The following NBDY variants were observed in gnomAD, a reference collection of about 807,000 sequenced individuals.
The protein encoded by NBDY is P-body dissociating protein.
Position 56,729,577 on chromosome X carries a change from C to A in NBDY, c.*17C>A. On this transcript the variant is annotated 3_prime_UTR_variant, in exon 1 of 3. Coordinates refer to ENST00000374922, the MANE Select transcript of NBDY (RefSeq NM_001348129.2). The stretch of plus-strand genomic sequence containing the variant: ...GAGAAGTAGAGAAATAAATTTCTCC[C>A]ACCCTAAACCAGGTCAGATTCTTTC... The A allele has an allele frequency of 3.4e-6, 1 of 297,690 alleles. No homozygotes were observed. The highest frequency in any genetic ancestry group is 2.0e-4 in the South Asian group (1 of 4,972). 24.5% of individuals were successfully genotyped at this position (297,690 alleles called of 1,213,427 possible).
chrX:56,742,603 A>G (rs990123792), intron 2 of NBDY, among the ~76,000 whole-genome samples: 5 of 111,087 alleles, frequency 4.5e-5, no homozygotes, highest in Non-Finnish European at 7.6e-5. Context: ...TTGTAAGTGG[A>G]ATTACTTTTA....
At chrX:56,794,974 A>G (rs1182225098) in intron 2 of NBDY, among the ~76,000 whole-genome samples, 1 of 111,977 alleles carries the variant, frequency 8.9e-6, no homozygotes, top group Non-Finnish European at 1.9e-5. Flanking sequence ...CCAGGCACTC[A>G]TTCGTGCCCA....
At chrX:56,761,799 CG>C (rs1395378545) in intron 2 of NBDY, among the ~76,000 whole-genome samples, 1 of 112,267 alleles carries the variant, frequency 8.9e-6, no homozygotes, top group Non-Finnish European at 1.9e-5. Context: ...CAGATGTAAT[CG>C]GGGTGCCCCT....
chrX:56,805,814 T>C (rs972962320), intron 2 of NBDY, among the ~76,000 whole-genome samples: 1 of 112,073 alleles, frequency 8.9e-6, no homozygotes, highest in African/African-American at 3.2e-5. Context: ...TTGGAGTTTT[T>C]CTCCCTTCAC....
In NBDY at chrX:56,810,377, A is replaced by T. The variant is rs1335290539; in HGVS notation, c.*167-6943A>T. On this transcript the variant is annotated intron_variant, in intron 2 of 2. Transcript: ENST00000374922. ...TGGTTCCATTCTCCCTGTCACTTTC[A>T]CGTACACCAATCAAATGTAGTTTTG... Among the ~76,000 whole-genome samples, 3 of 110,857 alleles carry T rather than the reference A, an allele frequency of 2.7e-5. No individual in the cohort carries two copies. The East Asian group carries it at 8.6e-4, about 32-fold the overall frequency.
intron 2 of NBDY, among the ~76,000 whole-genome samples, chrX:56,808,608 C>T (rs2069867392): frequency 9.0e-6 from 1 of 111,630 alleles, no homozygotes; most frequent in African/African-American, 3.3e-5. Context: ...GGTGATATCC[C>T]CTTTATCATT....
rs751942108 is a variant in NBDY, at chrX:56,799,980, G to A, written c.*167-17340G>A. 1.3e-3 allele frequency among the ~76,000 whole-genome samples: 140 copies of A among 109,844 alleles called. 1 individual carries two copies. Among genetic ancestry groups the A allele is most frequent in the African/African-American group, 4.5e-3 (135 of 30,121 alleles). ...TTTGCTGTGGATTTGTAGCACCGGG[G>A]GCAGTGTGAGGGGGTAAAGGGGGAG... On this transcript the variant is annotated intron_variant, in intron 2 of 2. Coordinates refer to ENST00000374922, the MANE Select transcript of NBDY (RefSeq NM_001348129.2).
At chrX:56,781,292 A>C (rs910797367) in intron 2 of NBDY, among the ~76,000 whole-genome samples, 8 of 111,680 alleles carry the variant, frequency 7.2e-5, no homozygotes, top group Admixed American at 3.8e-4. Context: ...GGTAGTTGTT[A>C]AGCTTTCACG....
At chrX:56,744,995 G>A (rs1456085565) in intron 2 of NBDY, among the ~76,000 whole-genome samples, 2 of 111,119 alleles carry the variant, frequency 1.8e-5, no homozygotes, top group Non-Finnish European at 3.8e-5. Context: ...TTCACTTAAA[G>A]GAAGCATTTT....
rs2069918795 is a variant in NBDY, at chrX:56,818,072, A to G, written c.*919A>G. On this transcript the variant is annotated 3_prime_UTR_variant, in exon 3 of 3. Transcript: ENST00000374922. ...CATATAGTTCATAAATGTTTCAGGA[A>G]TTACAAGGTTATAGAAAAAAATTTA... is the stretch of plus-strand genomic sequence containing the variant. The G allele has an allele frequency of 9.0e-6, 1 of 111,598 alleles. No homozygotes were observed. Among genetic ancestry groups the G allele is most frequent in the Non-Finnish European group, 1.9e-5 (1 of 53,067 alleles). 9.2% of individuals were successfully genotyped at this position (111,598 alleles called of 1,213,427 possible). A position where few individuals can be genotyped will look rare whatever the true frequency, so the allele number is the denominator to read the frequency against.
chrX:56,810,729 C>T (rs1214550754), intron 2 of NBDY, among the ~76,000 whole-genome samples: 2 of 110,728 alleles, frequency 1.8e-5, no homozygotes, highest in African/African-American at 6.6e-5. Context: ...TGTTATTACT[C>T]ACCTTTTCAA....
intron 2 of NBDY, among the ~76,000 whole-genome samples, chrX:56,733,831 G>T (rs868729793): frequency 2.1e-4 from 23 of 112,108 alleles, no homozygotes; most frequent in Non-Finnish European, 2.6e-4. Context: ...CAAGGATTTG[G>T]TTATGACAAT....
chrX:56,766,181 GT>G (rs1375354247), intron 2 of NBDY, among the ~76,000 whole-genome samples: 1 of 112,401 alleles, frequency 8.9e-6, no homozygotes, highest in Non-Finnish European at 1.9e-5. Context: ...GCCTTGGCAA[GT>G]TGTTTCCTAA....
At chrX:56,741,821 G>C (rs954308062) in intron 2 of NBDY, among the ~76,000 whole-genome samples, 4 of 111,506 alleles carry the variant, frequency 3.6e-5, no homozygotes, top group Non-Finnish European at 7.6e-5. Context: ...TTGCTGTGCA[G>C]AAGCTTTTTA....
intron 2 of NBDY, among the ~76,000 whole-genome samples, chrX:56,738,460 C>T (rs2069509168): frequency 8.9e-6 from 1 of 111,888 alleles, no homozygotes; most frequent in African/African-American, 3.3e-5. Context: ...TATCAGATCC[C>T]ACAGATTGAG....
At chrX:56,796,845 C>A (rs1016839867) in intron 2 of NBDY, among the ~76,000 whole-genome samples, 1 of 110,895 alleles carries the variant, frequency 9.0e-6, no homozygotes, top group East Asian at 2.8e-4. Flanking sequence ...ATCTCATTGA[C>A]AAGAAGCTTC....
chrX:56,792,586 C>T (rs770321210), intron 2 of NBDY, among the ~76,000 whole-genome samples: 13 of 110,592 alleles, frequency 1.2e-4, no homozygotes, highest in South Asian at 3.9e-4. Flanking sequence ...ATGTCAAATA[C>T]GCCCAAGCAG....
intron 2 of NBDY, 114 bp from the exon 3 acceptor site, chrX:56,817,206 C>T (rs2069914701): frequency 8.9e-6 from 1 of 112,280 alleles, no homozygotes; most frequent in South Asian, 3.7e-4. Context: ...TTCTCTTTAA[C>T]TTGCTTAATA....
chrX:56,802,550 C>T (rs927706095), intron 2 of NBDY, among the ~76,000 whole-genome samples: 4 of 110,177 alleles, frequency 3.6e-5, no homozygotes, highest in African/African-American at 6.6e-5. Flanking sequence ...TTGAGCTGTT[C>T]GCTCATTTTG....
Sources: allele counts gnomAD v4.1 joint callset (sites outside exome capture counted in the v4.1 genomes callset), GRCh38; gene constraint gnomAD v4.1.1; transcripts MANE v1.5; gene names NCBI Gene and HGNC (gene_info 2026-07-23, HGNC 2026-07-21).